The following PLXNA4 variants were observed in gnomAD, a reference collection of about 807,000 sequenced individuals.
PLXNA4 encodes the protein plexin-A4.
PLXNA4 carries 44 observed loss-of-function variants against 191.8 expected under a neutral mutation model. That is an observed-to-expected ratio of 0.23 (90% CI 0.18 to 0.29). The LOEUF is 0.29. Among genes scored for constraint, PLXNA4 ranks in the 10% least tolerant of loss-of-function variants. PLXNA4 has a pLI of 1.00. For synonymous variants in PLXNA4, 1,082 were observed against 1,009.5 expected, an observed-to-expected ratio of 1.07 and a Z score of -1.36; for missense variants, 1,800 against 2,488.8, an observed-to-expected ratio of 0.72 and a Z score of 5.89.
chr7:132,464,169 A>C (rs1796614582), intron 3 of PLXNA4, among the ~76,000 whole-genome samples: 1 of 152,234 alleles, frequency 6.6e-6, no homozygotes. Context: ...CGTGGTGCTG[A>C]GATGCGAAAA....
At chr7:132,316,238 T>C (rs1801940184) in intron 3 of PLXNA4, among the ~76,000 whole-genome samples, 1 of 152,204 alleles carries the variant, frequency 6.6e-6, no homozygotes, top group Non-Finnish European at 1.5e-5. Flanking sequence ...GTGGATTTTA[T>C]TGAATCGTCC....
intron 4 of PLXNA4, among the ~76,000 whole-genome samples, chr7:132,291,388 C>A (rs1240115157): frequency 6.6e-6 from 1 of 152,192 alleles, no homozygotes; most frequent in African/African-American, 2.4e-5. Flanking sequence ...ATTACCTGAT[C>A]TAAGCCATTC....
chr7:132,392,882 C>A (rs1044246382), intron 3 of PLXNA4, among the ~76,000 whole-genome samples: 3 of 152,106 alleles, frequency 2.0e-5, no homozygotes, highest in African/African-American at 7.2e-5. Context: ...TGATCATTCA[C>A]AAAACCCAGG....
chr7:132,585,089 C>T (rs575351314), intron 2 of PLXNA4, among the ~76,000 whole-genome samples: 2 of 152,306 alleles, frequency 1.3e-5, no homozygotes, highest in African/African-American at 4.8e-5. Flanking sequence ...AATGAGACTT[C>T]ATCTCTCATT....
At chr7:132,601,707 T>C (rs1802824437) in intron 2 of PLXNA4, among the ~76,000 whole-genome samples, 1 of 152,196 alleles carries the variant, frequency 6.6e-6, no homozygotes, top group African/African-American at 2.4e-5. Context: ...AACTCCTCTG[T>C]TGTTTAAGGC....
At chr7:132,385,425 A>G (rs1805085605) in intron 3 of PLXNA4, 1 of 1,317,738 alleles carries the variant, frequency 7.6e-7, no homozygotes. Flanking sequence ...GTAAATATGT[A>G]TTACAAAATG....
In PLXNA4 at chr7:132,228,410, A is replaced by C. The variant is rs768581615; in HGVS notation, c.1664T>G (p.Met555Arg). 3.1e-6 allele frequency: 5 copies of C among 1,614,132 alleles called. No individual in the cohort carries two copies. Among genetic ancestry groups the C allele is most frequent in the Non-Finnish European group, 4.2e-6 (5 of 1,180,006 alleles). ...GACCGTCAGCCGGACACACTGCTTC[A>C]TCTCCGAGGCAAACCTGCGGGGCTC... ...SKEPRRFASE[M>R]KQCVRLTVHP... The change falls in exon 6 of 32, where the codon ATG becomes AGG. Residue 555 changes from methionine to arginine, a missense_variant. Physicochemically the swap from Met to Arg is moderately conservative, Grantham distance 91 (BLOSUM62 -1). Around this residue, in one of 6 missense-constraint regions of PLXNA4, gnomAD observed 1,397 missense variants for 1,880.4 expected, o/e 0.74. Transcript: ENST00000321063.
intron 29 of PLXNA4, among the ~76,000 whole-genome samples, chr7:132,141,046 T>C (rs1040532985): frequency 1.3e-5 from 2 of 152,168 alleles, no homozygotes; most frequent in Non-Finnish European, 2.9e-5. Context: ...TCCAGAGATA[T>C]AATGTTGGTA....
intron 3 of PLXNA4, among the ~76,000 whole-genome samples, chr7:132,472,046 T>C (rs2117423616): frequency 6.6e-6 from 1 of 152,366 alleles, no homozygotes; most frequent in African/African-American, 2.4e-5. Context: ...ACTTGTACTC[T>C]GCAGAAAACA....
intron 3 of PLXNA4, among the ~76,000 whole-genome samples, chr7:132,411,346 C>T (rs778952202): frequency 6.6e-6 from 1 of 152,154 alleles, no homozygotes; most frequent in East Asian, 1.9e-4. Context: ...CGGGCTTCAC[C>T]CTGGAATCCC....
At chr7:132,547,178 G>T (rs1014570821) in intron 1 of PLXNA4, among the ~76,000 whole-genome samples, 1 of 152,140 alleles carries the variant, frequency 6.6e-6, no homozygotes, top group Admixed American at 6.5e-5. Flanking sequence ...AATGATGCTT[G>T]CTCTGGGCCC....
At chr7:132,324,976 C>T (rs879452422) in intron 3 of PLXNA4, among the ~76,000 whole-genome samples, 7 of 152,148 alleles carry the variant, frequency 4.6e-5, no homozygotes, top group Non-Finnish European at 7.4e-5. Flanking sequence ...CAGAGGAGAG[C>T]AGCCTCCTCT....
chr7:132,444,657 T>A (rs1045804232), intron 3 of PLXNA4, among the ~76,000 whole-genome samples: 3 of 152,102 alleles, frequency 2.0e-5, no homozygotes, highest in Non-Finnish European at 1.5e-5. Flanking sequence ...CTGGTGCACA[T>A]CTGTGTTAAG....
intron 14 of PLXNA4, among the ~76,000 whole-genome samples, chr7:132,188,974 GAAAGGAAAGGAAAGGAAA>G (rs1398615987): frequency 1.8e-5 from 1 of 56,982 alleles, no homozygotes; most frequent in African/African-American, 8.7e-5. Flanking sequence ...GAAAGGAAAG[GAAAGGAAAGGAAAGGAAA>G]GGAGAGAGAG....
chr7:132,343,685 A>T (rs1803128549), intron 3 of PLXNA4, among the ~76,000 whole-genome samples: 1 of 152,190 alleles, frequency 6.6e-6, no homozygotes. Flanking sequence ...TTGAGAGGCC[A>T]AGGCGGGCAG....
Position 132,298,158 on chromosome 7 carries a change from C to G in PLXNA4, c.1436G>C (p.Gly479Ala). ...QYETVQVVDP[G>A]PVLRDMAFSK... is the part of the protein sequence containing the mutation. ...GAAGGCCATATCCCGGAGGACTGGG[C>G]CGGGGTCCACCACCTGCACCGTCTC... Residue 479 changes from glycine (G) to alanine (A), a missense_variant, in exon 4 of 32, where the codon GGC becomes GCC. Physicochemically the swap from Gly to Ala is moderately conservative, Grantham distance 60. Around this residue, in one of 6 missense-constraint regions of PLXNA4, gnomAD observed 1,397 missense variants for 1,880.4 expected, o/e 0.74. Transcript: ENST00000321063. 6.2e-7 allele frequency: 1 copy of G among 1,614,142 alleles called. No homozygotes were observed. The highest frequency in any genetic ancestry group is 8.5e-7 in the Non-Finnish European group (1 of 1,180,016).
intron 3 of PLXNA4, among the ~76,000 whole-genome samples, chr7:132,410,203 T>TC (rs1794395351): frequency 2.2e-5 from 2 of 90,836 alleles, no homozygotes; most frequent in Middle Eastern, 4.5e-3. Flanking sequence ...CGTGCCCCCC[T>TC]CCCCCAGCCC....
intron 5 of PLXNA4, among the ~76,000 whole-genome samples, chr7:132,232,819 C>T (rs1028618153): frequency 1.3e-5 from 2 of 152,038 alleles, no homozygotes; most frequent in African/African-American, 4.8e-5. Context: ...CCAAATACAG[C>T]GATAGAAATA....
intron 4 of PLXNA4, among the ~76,000 whole-genome samples, chr7:132,284,669 T>C (rs1800616589): frequency 6.6e-6 from 1 of 152,190 alleles, no homozygotes. Context: ...GATGGAGGCC[T>C]CCTGGTCTGC....
Sources: allele counts gnomAD v4.1 joint callset (sites outside exome capture counted in the v4.1 genomes callset), GRCh38; gene constraint gnomAD v4.1.1; regional missense constraint gnomAD v4.1.1; transcripts MANE v1.5; gene names NCBI Gene and HGNC (gene_info 2026-07-23, HGNC 2026-07-21).